CNTN3: variants seen among roughly 807,000 people sequenced by gnomAD.
CNTN3 encodes the protein contactin 3, also known as contactin-3.
CNTN3 carries 60 observed loss-of-function variants against 119.1 expected under a neutral mutation model. The observed-to-expected ratio is 0.50, with a 90% CI of 0.41 to 0.62. The LOEUF (loss-of-function observed/expected upper bound fraction) is 0.62. Ranked by LOEUF, CNTN3 falls within the 20% of genes least tolerant of loss-of-function variation. CNTN3 has a pLI of 0.00. For synonymous variants in CNTN3, 450 were observed against 438.7 expected (o/e 1.03, Z -0.32); for missense variants, 1,101 against 1,242.4 (o/e 0.89, Z 1.71).
intron 4 of CNTN3, among the ~76,000 whole-genome samples, chr3:74,473,508 G>A (rs1382773668): frequency 6.6e-6 from 1 of 152,172 alleles, no homozygotes; most frequent in East Asian, 1.9e-4. Context: ...ATTTTGAAAA[G>A]AGATTAGCTT....
intron 4 of CNTN3, among the ~76,000 whole-genome samples, chr3:74,475,267 C>G (rs1360980434): frequency 6.6e-6 from 1 of 152,158 alleles, no homozygotes; most frequent in African/African-American, 2.4e-5. Flanking sequence ...ACAAATAGCA[C>G]AGCAATGTTG....
chr3:74,486,202 A>ACG (rs1454811433), intron 4 of CNTN3, among the ~76,000 whole-genome samples: 5 of 113,808 alleles, frequency 4.4e-5, no homozygotes, highest in Non-Finnish European at 9.5e-5. Context: ...AAAATAGAGC[A>ACG]CACACACACA....
chr3:74,362,727 C>T (rs1196228956), intron 10 of CNTN3, among the ~76,000 whole-genome samples: 1 of 150,704 alleles, frequency 6.6e-6, no homozygotes, highest in African/African-American at 2.5e-5. Flanking sequence ...AAAAAAAAAT[C>T]ACTCTTCCTT....
In CNTN3 at chr3:74,392,302, G is replaced by A. The variant is rs181784929; in HGVS notation, c.455-20903C>T. Among the ~76,000 whole-genome samples, 46 of 152,226 alleles carry A rather than the reference G, an allele frequency of 3.0e-4. 1 individual carries two copies. The East Asian group carries it at 8.9e-3, about 29-fold the overall frequency. ...GCTGACAAGACAATGGCTATATTTG[G>A]TCTGCTTACATATCCTCCCTCCCTT... is the stretch of plus-strand genomic sequence containing the variant. On this transcript the variant is annotated intron_variant, in intron 5 of 22. Transcript: ENST00000263665.
intron 3 of CNTN3, among the ~76,000 whole-genome samples, chr3:74,492,257 G>A (rs150076740): frequency 2.6e-4 from 40 of 152,168 alleles, no homozygotes; most frequent in African/African-American, 9.2e-4. Flanking sequence ...TCTTAAACTG[G>A]TTTGTGTGAA....
intron 13 of CNTN3, among the ~76,000 whole-genome samples, chr3:74,303,861 C>A (rs1242950434): frequency 6.6e-6 from 1 of 152,120 alleles, no homozygotes; most frequent in African/African-American, 2.4e-5. Context: ...AACTGCAAGC[C>A]AGTTTCACAC....
chr3:74,605,147 G>A (rs1327373725), intron 1 of CNTN3, among the ~76,000 whole-genome samples: 2 of 152,050 alleles, frequency 1.3e-5, no homozygotes, highest in African/African-American at 4.8e-5. Flanking sequence ...GGTGAGGAGG[G>A]AGGTTTAGGG....
chr3:74,591,805 T>A (rs551887348), intron 1 of CNTN3, among the ~76,000 whole-genome samples: 148 of 151,854 alleles, frequency 9.7e-4, no homozygotes, highest in African/African-American at 5.3e-4. Context: ...CATCCTTGAG[T>A]TGAAATCAAG....
intron 1 of CNTN3, among the ~76,000 whole-genome samples, chr3:74,540,545 G>T (rs571951877): frequency 6.6e-6 from 1 of 152,206 alleles, no homozygotes; most frequent in Middle Eastern, 3.4e-3. Context: ...TACACAAAGT[G>T]CTTTATATGT....
chr3:74,552,200 T>A lies in CNTN3; in HGVS notation c.-80-31008A>T, dbSNP rs577358934. 5.3e-5 allele frequency among the ~76,000 whole-genome samples: 8 copies of A among 152,356 alleles called. No homozygotes were observed. In the South Asian group the frequency reaches 1.7e-3, roughly 32 times the overall value. On this transcript the variant is annotated intron_variant, in intron 1 of 22. Coordinates refer to ENST00000263665, the MANE Select transcript of CNTN3 (RefSeq NM_020872.3). ...ACAATTTATTTATCCATTCACCTACTGAAGGATATCTTAATTGCTTTCACA... is the reference window on the plus strand; with the variant it reads ...ACAATTTATTTATCCATTCACCTACAGAAGGATATCTTAATTGCTTTCACA...
chr3:74,606,185 G>T (rs111786119), intron 1 of CNTN3, among the ~76,000 whole-genome samples: 27 of 152,164 alleles, frequency 1.8e-4, no homozygotes, highest in African/African-American at 6.5e-4. Context: ...AAAGAAGAGG[G>T]AGACGGATAC....
Position 74,575,984 on chromosome 3 carries a change from T to C in CNTN3, c.-81+38407A>G, listed in dbSNP as rs760695596. Reference sequence around the variant, plus strand: ...CCCTAGCTCCACCACAAGTACTTCCTACACTAACCAACCCCTCCCCTAAGT... The same window carrying C: ...CCCTAGCTCCACCACAAGTACTTCCCACACTAACCAACCCCTCCCCTAAGT... On this transcript the variant is annotated intron_variant, in intron 1 of 22. Transcript: ENST00000263665. 1.7e-4 allele frequency among the ~76,000 whole-genome samples: 26 copies of C among 152,124 alleles called. 1 individual carries two copies. Among genetic ancestry groups the C allele is most frequent in the Non-Finnish European group, 1.8e-4 (12 of 67,982 alleles).
chr3:74,349,968 C>T (rs1445948530), intron 11 of CNTN3, among the ~76,000 whole-genome samples: 1 of 152,168 alleles, frequency 6.6e-6, no homozygotes, highest in East Asian at 1.9e-4. Flanking sequence ...AACCTGCATT[C>T]CCCAAGGAAA....
At chr3:74,277,132 T>G (rs1701898508) in intron 20 of CNTN3, among the ~76,000 whole-genome samples, 2 of 152,064 alleles carry the variant, frequency 1.3e-5, no homozygotes, top group South Asian at 4.1e-4. Flanking sequence ...GAGACTGAAA[T>G]GGTAATTAAA....
chr3:74,394,609 A>G (rs1704999776), intron 5 of CNTN3, among the ~76,000 whole-genome samples: 1 of 152,192 alleles, frequency 6.6e-6, no homozygotes, highest in Admixed American at 6.5e-5. Context: ...AGAGAAGTGT[A>G]TTTGTTTATC....
chr3:74,386,337 A>G (rs925147273), intron 5 of CNTN3, among the ~76,000 whole-genome samples: 9 of 152,134 alleles, frequency 5.9e-5, no homozygotes, highest in African/African-American at 2.2e-4. Flanking sequence ...ACATGAGTAT[A>G]TGGCTGGGCG....
intron 13 of CNTN3, among the ~76,000 whole-genome samples, chr3:74,303,790 A>C (rs918516560): frequency 6.6e-6 from 1 of 152,208 alleles, no homozygotes; most frequent in East Asian, 1.9e-4. Flanking sequence ...ATATTTCTAA[A>C]AGCTCAATGT....
rs1440659827 is a variant in CNTN3 at position 74,450,645 on chromosome 3, A to G, written c.359-25705T>C. ...TCATCTAGCATTAGGTATATCTCCC[A>G]ATGCTATCCCTCCCCCCTCCCCCCA... On this transcript the variant is annotated intron_variant, in intron 4 of 22. Transcript: ENST00000263665. Among the ~76,000 whole-genome samples the G allele has an allele frequency of 2.1e-5, 3 of 144,836 alleles. No individual in the cohort carries two copies. In the East Asian group the frequency reaches 6.5e-4, roughly 31 times the overall value.
chr3:74,291,657 G>C (rs887087739), intron 19 of CNTN3, among the ~76,000 whole-genome samples: 3 of 152,130 alleles, frequency 2.0e-5, no homozygotes, highest in Admixed American at 2.0e-4. Flanking sequence ...GGGATTACAG[G>C]TGTGAGCCAC....
Sources: allele counts gnomAD v4.1 joint callset (sites outside exome capture counted in the v4.1 genomes callset), GRCh38; gene constraint gnomAD v4.1.1; transcripts MANE v1.5; gene names NCBI Gene and HGNC (gene_info 2026-07-23, HGNC 2026-07-21).